The following PRRX2 variants were observed in gnomAD, a reference collection of about 807,000 sequenced individuals.
The protein encoded by PRRX2 is paired related homeobox 2.
A neutral mutation model predicts 18.0 loss-of-function variants in PRRX2; 11 were observed. The observed-to-expected ratio is 0.61, with a 90% CI of 0.39 to 1.01. The LOEUF is 1.01. Ranked by LOEUF, PRRX2 falls within the 50% of genes least tolerant of loss-of-function variation. PRRX2 has a pLI of 0.01. For missense variants in PRRX2, 387 were observed against 351.0 expected (o/e 1.10, Z -0.82); for synonymous variants, 177 against 154.8 (o/e 1.14, Z -1.06).
chr9:129,715,306 T>C lies in PRRX2; in HGVS notation c.260-3925T>C, dbSNP rs1475325379. ...GGCCTGTCCTGTGTCTTGAAAGATA[T>C]TTAGCAAGGCCAAGCATGGTGGCTC... On this transcript the variant is annotated intron_variant, in intron 1 of 3. Coordinates refer to ENST00000372469, the MANE Select transcript of PRRX2 (RefSeq NM_016307.4). The surrounding 1 kb of genome is among the most constrained non-coding windows in gnomAD (Gnocchi z 4.0). Among the ~76,000 whole-genome samples the C allele has an allele frequency of 6.6e-6, 1 of 152,112 alleles. No homozygotes were observed. Among genetic ancestry groups the C allele is most frequent in the African/African-American group, 2.4e-5 (1 of 41,426 alleles).
At chr9:129,716,160 T>C (rs1248604180) in intron 1 of PRRX2, among the ~76,000 whole-genome samples, 5 of 152,214 alleles carry the variant, frequency 3.3e-5, no homozygotes, top group Non-Finnish European at 5.9e-5. Context: ...CATTCACTCA[T>C]TGGCCCAGAA....
chr9:129,712,368 G>A (rs779124361), intron 1 of PRRX2, among the ~76,000 whole-genome samples: 63 of 152,292 alleles, frequency 4.1e-4, no homozygotes, highest in East Asian at 5.8e-4. Flanking sequence ...GGAACGAAGA[G>A]GCTGAGTTTA....
At chr9:129,721,232 C>A (rs1172610935) in intron 3 of PRRX2, among the ~76,000 whole-genome samples, 1 of 152,190 alleles carries the variant, frequency 6.6e-6, no homozygotes, top group Non-Finnish European at 1.5e-5. Context: ...TGTGTCCACC[C>A]TCCAGACGAG....
chr9:129,710,223 C>T (rs1324095728), intron 1 of PRRX2, among the ~76,000 whole-genome samples: 1 of 152,114 alleles, frequency 6.6e-6, no homozygotes, highest in African/African-American at 2.4e-5. Flanking sequence ...GCAGTGACCC[C>T]AAAGAGGCAG....
chr9:129,692,895 C>T (rs755469567), intron 1 of PRRX2, among the ~76,000 whole-genome samples: 8 of 152,158 alleles, frequency 5.3e-5, no homozygotes, highest in Non-Finnish European at 1.0e-4. Context: ...AAGTTTCCAC[C>T]TCATTTGGGT....
intron 3 of PRRX2, among the ~76,000 whole-genome samples, chr9:129,721,137 A>AG (rs751647566): frequency 1.5e-4 from 23 of 152,118 alleles, no homozygotes; most frequent in Non-Finnish European, 2.8e-4. Context: ...GCCTATCTGG[A>AG]GGGGGAGCAA....
At position 129,704,460 on chromosome 9, in the gene PRRX2, TG is replaced by T. The variant is rs1832535056; in HGVS notation, c.260-14770del. Among the ~76,000 whole-genome samples the T allele has an allele frequency of 2.0e-5, 3 of 152,166 alleles. No homozygotes were observed. In the South Asian group the frequency reaches 6.2e-4, roughly 32 times the overall value. The stretch of plus-strand genomic sequence containing the variant: ...CAGATGCTCAGGGCAGGCAGGCGTT[TG>T]CTATCTGGGTGGGCTGCTGGTAGCC... On this transcript the variant is annotated intron_variant, in intron 1 of 3. Transcript: ENST00000372469.
intron 1 of PRRX2, among the ~76,000 whole-genome samples, chr9:129,692,291 G>A (rs10988479): frequency 0.27 from 40,731 of 151,550 alleles, 7,997 homozygotes; most frequent in African/African-American, 0.55. Flanking sequence ...TCACAGCAAA[G>A]TTGAGTGGAA....
rs540974758 is a variant in PRRX2 at position 129,683,744 on chromosome 9, T to TA, written c.259+17624dup. Among the ~76,000 whole-genome samples, 506 of 150,588 alleles carry TA rather than the reference T, an allele frequency of 3.4e-3. 11 individuals are homozygous for TA. Among genetic ancestry groups the TA allele is most frequent in the Admixed American group, 0.022 (335 of 15,162 alleles). ...AGCGAGACTCCATCTCAAAAAAAAATAAAAAATAAAAAAGACACAGGCAGG... is the reference window on the plus strand; with the variant it reads ...AGCGAGACTCCATCTCAAAAAAAAATAAAAAAATAAAAAAGACACAGGCAGG... On this transcript the variant is annotated intron_variant, in intron 1 of 3. Coordinates refer to ENST00000372469, the MANE Select transcript of PRRX2 (RefSeq NM_016307.4).
chr9:129,669,781 T>G (rs1225640614), intron 1 of PRRX2, among the ~76,000 whole-genome samples: 1 of 152,090 alleles, frequency 6.6e-6, no homozygotes, highest in African/African-American at 2.4e-5. Flanking sequence ...GGGCCTGAGT[T>G]AAGAGACTGA....
intron 2 of PRRX2, 26 bp downstream of exon 2, chr9:129,719,444 G>A: frequency 1.4e-6 from 2 of 1,481,366 alleles, no homozygotes; most frequent in South Asian, 1.3e-5. Context: ...CGGGCCTCCC[G>A]TGGGAGCGTG....
At chr9:129,698,253 G>T (rs1270015792) in intron 1 of PRRX2, among the ~76,000 whole-genome samples, 2 of 70,742 alleles carry the variant, frequency 2.8e-5, no homozygotes, top group Non-Finnish European at 5.8e-5. Context: ...GTGGTTGGAT[G>T]GGGCGGGGGG....
At chr9:129,693,306 G>A (rs578227559) in intron 1 of PRRX2, among the ~76,000 whole-genome samples, 1 of 152,198 alleles carries the variant, frequency 6.6e-6, no homozygotes, top group East Asian at 1.9e-4. Context: ...AAAATAGATT[G>A]TTCTCAGCTG....
intron 1 of PRRX2, among the ~76,000 whole-genome samples, chr9:129,698,681 C>T (rs1437175418): frequency 6.6e-6 from 1 of 152,196 alleles, no homozygotes; most frequent in Non-Finnish European, 1.5e-5. Context: ...ACTGGGTGGA[C>T]GCCCCCTCAC....
chr9:129,722,197 G>C lies in PRRX2; in HGVS notation c.627-20G>C. ...GAAGCCAACCGCACCCATGTGACCT[G>C]TGTCTCATGTCGCCCCCAGCACAGT... is the stretch of plus-strand genomic sequence containing the variant. On this transcript the variant is annotated intron_variant, in intron 3 of 3. Coordinates refer to ENST00000372469, the MANE Select transcript of PRRX2 (RefSeq NM_016307.4). 1.9e-6 allele frequency: 3 copies of C among 1,610,722 alleles called. No individual in the cohort carries two copies. Among genetic ancestry groups the C allele is most frequent in the Non-Finnish European group, 2.5e-6 (3 of 1,178,176 alleles).
chr9:129,668,431 C>T (rs948771058), intron 1 of PRRX2, among the ~76,000 whole-genome samples: 3 of 152,152 alleles, frequency 2.0e-5, no homozygotes, highest in Non-Finnish European at 4.4e-5. Context: ...CGGATCCAGA[C>T]ATGCTTGGAG....
intron 1 of PRRX2, among the ~76,000 whole-genome samples, chr9:129,703,979 C>T (rs1832530242): frequency 6.6e-6 from 1 of 152,220 alleles, no homozygotes; most frequent in Non-Finnish European, 1.5e-5. Flanking sequence ...CAGGGGACCC[C>T]AAGAGGGGGC....
At chr9:129,721,414 C>A (rs923856013) in intron 3 of PRRX2, among the ~76,000 whole-genome samples, 1 of 152,082 alleles carries the variant, frequency 6.6e-6, no homozygotes, top group African/African-American at 2.4e-5. Flanking sequence ...TCCAGAGGCG[C>A]CGTCTGCTCC....
rs1832016664 is a variant in PRRX2, at chr9:129,666,079, G to C, written c.212G>C (p.Arg71Pro). Reference sequence around the variant, plus strand: ...GCCGAGGCGCGGGAGGGCGCAGCACGGGAGCCGTCCGGGGGCAGCAGCGGC... The same window carrying C: ...GCCGAGGCGCGGGAGGGCGCAGCACCGGAGCCGTCCGGGGGCAGCAGCGGC... ...ARAEAREGAA[R>P]EPSGGSSGSE... Residue 71 changes from arginine (R) to proline (P), a missense_variant, in exon 1 of 4, where the codon CGG becomes CCG. Physicochemically the swap from Arg to Pro is moderately radical, Grantham distance 103. Transcript: ENST00000372469. 9.6e-6 allele frequency: 10 copies of C among 1,038,338 alleles called. No individual in the cohort carries two copies. Among genetic ancestry groups the C allele is most frequent in the Non-Finnish European group, 1.2e-5 (10 of 866,792 alleles). 64.3% of individuals were successfully genotyped at this position (1,038,338 alleles called of 1,614,324 possible).
Sources: allele counts gnomAD v4.1 joint callset (sites outside exome capture counted in the v4.1 genomes callset), GRCh38; gene constraint gnomAD v4.1.1; non-coding constraint Gnocchi (gnomAD v3.1); transcripts MANE v1.5; gene names NCBI Gene and HGNC (gene_info 2026-07-23, HGNC 2026-07-21).